Variants in CPA6 observed in about 807,000 individuals in gnomAD.
CPA6 encodes the protein carboxypeptidase B.
A neutral mutation model predicts 63.3 loss-of-function variants in CPA6; 58 were observed. The observed-to-expected ratio is 0.92, with a 90% confidence interval of 0.74 to 1.14. The LOEUF is 1.14. Ranked by LOEUF, CPA6 falls within the 50% of genes most tolerant of loss-of-function variation. The pLI, the probability that CPA6 is intolerant of heterozygous loss-of-function variation, is 0.00. For synonymous variants in CPA6, 185 were observed against 179.0 expected (o/e 1.03, Z -0.27); for missense variants, 565 against 526.6 (o/e 1.07, Z -0.71).
intron 1 of CPA6, among the ~76,000 whole-genome samples, chr8:67,676,369 A>G (rs544653920): frequency 3.3e-5 from 5 of 152,356 alleles, no homozygotes; most frequent in Non-Finnish European, 7.3e-5. Flanking sequence ...TAAAGTACCA[A>G]GCTCAGGCAA....
chr8:67,570,177 T>C (rs959820794), intron 2 of CPA6: 2 of 152,248 alleles, frequency 1.3e-5, no homozygotes, highest in African/African-American at 4.8e-5. Flanking sequence ...AATAAAGTTA[T>C]GGTTTCCTGT....
intron 2 of CPA6, among the ~76,000 whole-genome samples, chr8:67,585,720 G>A (rs573140390): frequency 6.6e-6 from 1 of 152,096 alleles, no homozygotes; most frequent in Non-Finnish European, 1.5e-5. Flanking sequence ...TGATACGTAA[G>A]TGTCCTTCGT....
At chr8:67,602,002 T>C (rs113639486) in intron 2 of CPA6, among the ~76,000 whole-genome samples, 2,245 of 152,312 alleles carry the variant, frequency 0.015, 30 homozygotes, top group Non-Finnish European at 0.023. Flanking sequence ...CTGGTATATC[T>C]ATGGCAATAG....
In CPA6 at chr8:67,607,234, CTTCTTCTT is replaced by C. The variant is rs1564021437; in HGVS notation, c.192+16934_192+16941del. Among the ~76,000 whole-genome samples the C allele has an allele frequency of 4.5e-4, 53 of 117,662 alleles. 2 individuals carry two copies. Among genetic ancestry groups the C allele is most frequent in the Non-Finnish European group, 7.9e-4 (46 of 58,100 alleles). The allele number at this position is 117,662 out of a possible 152,430, so 77.2% of individuals were successfully genotyped here. A position where few individuals can be genotyped will look rare whatever the true frequency, so the allele number is the denominator to read the frequency against. On this transcript the variant is annotated intron_variant, in intron 2 of 10. Coordinates refer to ENST00000297770, the MANE Select transcript of CPA6 (RefSeq NM_020361.5). ...TCTTCTTCTTCTTCTTCTTCTTCTT[CTTCTTCTT>C]CTTCTTCTTCTCCTCCTCCTCCTTT...
chr8:67,441,984 G>A (rs1162399932), intron 8 of CPA6, among the ~76,000 whole-genome samples: 2 of 152,032 alleles, frequency 1.3e-5, no homozygotes, highest in Non-Finnish European at 1.5e-5. Context: ...AGGACTTTAT[G>A]TATGTTTGGT....
chr8:67,597,959 T>C (rs1049946048), intron 2 of CPA6, among the ~76,000 whole-genome samples: 5 of 152,246 alleles, frequency 3.3e-5, no homozygotes, highest in African/African-American at 1.2e-4. Context: ...AGAAGACTTG[T>C]TTTCTGGGGC....
intron 1 of CPA6, among the ~76,000 whole-genome samples, chr8:67,661,689 T>A (rs1159250884): frequency 3.9e-5 from 6 of 152,180 alleles, no homozygotes; most frequent in African/African-American, 1.2e-4. Flanking sequence ...CCACAGCATA[T>A]GTTCTAGAAC....
intron 2 of CPA6, 106 bp downstream of exon 2, chr8:67,624,069 CT>C: frequency 1.5e-6 from 1 of 678,036 alleles, no homozygotes; most frequent in Non-Finnish European, 2.6e-6. Context: ...TCTCCTTAGC[CT>C]TTACTTTCTT....
chr8:67,631,517 A>C (rs1315621183), intron 1 of CPA6, among the ~76,000 whole-genome samples: 1 of 152,054 alleles, frequency 6.6e-6, no homozygotes, highest in African/African-American at 2.4e-5. Context: ...AAATGCACCA[A>C]TCAGCACCGT....
Position 67,652,460 on chromosome 8 carries a change from T to C in CPA6, c.117-28209A>G, listed in dbSNP as rs879598195. Among the ~76,000 whole-genome samples the C allele has an allele frequency of 4.9e-3, 744 of 152,102 alleles. 2 individuals carry two copies. Among genetic ancestry groups the C allele is most frequent in the Non-Finnish European group, 6.5e-3 (442 of 67,920 alleles). On this transcript the variant is annotated intron_variant, in intron 1 of 10. Transcript: ENST00000297770. The stretch of plus-strand genomic sequence containing the variant: ...CTAACTGGTGTGAGATGGTATCTCA[T>C]TGTGGTTTTGATTTGCATTTCTCTG...
At chr8:67,716,123 C>T (rs1041263456) in intron 1 of CPA6, among the ~76,000 whole-genome samples, 15 of 133,320 alleles carry the variant, frequency 1.1e-4, no homozygotes, top group African/African-American at 3.4e-4. Flanking sequence ...CATTGTACTC[C>T]AGCCTGGGCG....
chr8:67,559,119 A>G (rs1172813230), intron 2 of CPA6, among the ~76,000 whole-genome samples: 1 of 151,994 alleles, frequency 6.6e-6, no homozygotes, highest in Non-Finnish European at 1.5e-5. Flanking sequence ...AAACGTTCCA[A>G]CTTTTGGGAT....
intron 2 of CPA6, among the ~76,000 whole-genome samples, chr8:67,554,780 C>T (rs1813022873): frequency 6.6e-6 from 1 of 152,160 alleles, no homozygotes; most frequent in South Asian, 2.1e-4. Flanking sequence ...AGAGGGGTGA[C>T]CTGGCTCTGG....
intron 1 of CPA6, among the ~76,000 whole-genome samples, chr8:67,636,462 A>G (rs1331158603): frequency 6.6e-6 from 1 of 151,620 alleles, no homozygotes; most frequent in Non-Finnish European, 1.5e-5. Context: ...TAGAGGAATA[A>G]GAGAAACCAA....
chr8:67,630,689 G>A (rs570411871), intron 1 of CPA6, among the ~76,000 whole-genome samples: 192 of 152,372 alleles, frequency 1.3e-3, no homozygotes, highest in Non-Finnish European at 2.0e-3. Flanking sequence ...GGCCGAGGCC[G>A]GAGCTGGCTC....
chr8:67,474,309 C>T (rs1050430980), intron 8 of CPA6, among the ~76,000 whole-genome samples: 2 of 152,134 alleles, frequency 1.3e-5, no homozygotes, highest in Admixed American at 1.3e-4. Flanking sequence ...GCCACCTCCA[C>T]CTCCCGGATT....
intron 1 of CPA6, among the ~76,000 whole-genome samples, chr8:67,650,075 T>G (rs1337345621): frequency 6.6e-6 from 1 of 152,140 alleles, no homozygotes; most frequent in Non-Finnish European, 1.5e-5. Context: ...GTATTAAATT[T>G]ATATGGGGGC....
At chr8:67,607,596 T>G (rs892249033) in intron 2 of CPA6, among the ~76,000 whole-genome samples, 3 of 152,124 alleles carry the variant, frequency 2.0e-5, no homozygotes, top group Admixed American at 6.5e-5. Context: ...TTGTAATACC[T>G]TTCTACAAGT....
intron 8 of CPA6, among the ~76,000 whole-genome samples, chr8:67,436,387 T>A (rs949731473): frequency 7.4e-5 from 5 of 68,012 alleles, no homozygotes; most frequent in African/African-American, 3.8e-4. Flanking sequence ...TTGTTGGGTA[T>A]TTTTTTTTTT....
Sources: allele counts gnomAD v4.1 joint callset (sites outside exome capture counted in the v4.1 genomes callset), GRCh38; gene constraint gnomAD v4.1.1; transcripts MANE v1.5; gene names NCBI Gene and HGNC (gene_info 2026-07-23, HGNC 2026-07-21).